Variants in CNTLN observed in about 807,000 individuals in gnomAD.
The protein encoded by CNTLN is centlein, centrosomal protein.
CNTLN carries 212 observed loss-of-function variants against 180.0 expected under a neutral mutation model. The observed-to-expected ratio is 1.18, with a 90% CI of 1.05 to 1.32. CNTLN has a LOEUF of 1.32. Ranked by LOEUF, CNTLN falls within the 40% of genes most tolerant of loss-of-function variation. The probability of loss-of-function intolerance (pLI) is 0.00; values close to 1 mark genes in which losing one functional copy is unlikely to be tolerated. For missense variants in CNTLN, 2,095 were observed against 1,610.9 expected (o/e 1.30, Z -5.14); for synonymous variants, 722 against 563.1 (o/e 1.28, Z -3.99).
chr9:17,515,685 C>T, the CNTLN span, among the ~76,000 whole-genome samples: 1 of 152,164 alleles, frequency 6.6e-6, no homozygotes, highest in African/African-American at 2.4e-5. Flanking sequence ...TGACTCTACC[C>T]TCAGAACGTA....
intron 8 of CNTLN, among the ~76,000 whole-genome samples, chr9:17,329,379 A>G (rs768027329): frequency 3.4e-4 from 52 of 152,104 alleles, no homozygotes; most frequent in Admixed American, 1.1e-3. Flanking sequence ...TGGGGATAAA[A>G]GAATAGGGCA....
chr9:17,166,411 G>T (rs1820071809), intron 2 of CNTLN, among the ~76,000 whole-genome samples: 1 of 152,126 alleles, frequency 6.6e-6, no homozygotes, highest in Non-Finnish European at 1.5e-5. Flanking sequence ...AGGAATTTCA[G>T]TAGCAGAGAA....
intron 2 of CNTLN, among the ~76,000 whole-genome samples, chr9:17,169,963 T>C (rs765799412): frequency 3.3e-5 from 5 of 152,194 alleles, no homozygotes; most frequent in Non-Finnish European, 7.4e-5. Context: ...AGGGTTTACA[T>C]TGAATCTGTA....
At position 17,143,736 on chromosome 9, in the gene CNTLN, T is replaced by G. The variant is rs916388363; in HGVS notation, c.449+360T>G. On this transcript the variant is annotated intron_variant, in intron 2 of 25. Coordinates refer to ENST00000380647, the MANE Select transcript of CNTLN (RefSeq NM_017738.4). ...TGGACTGCCTCTATAGGGAACTTAC[T>G]AGACGTGACTCAGTTTTCCCCTTAG... Among the ~76,000 whole-genome samples the G allele has an allele frequency of 2.4e-4, 36 of 152,350 alleles. 1 individual carries two copies. The highest frequency in any genetic ancestry group is 3.4e-3 in the Middle Eastern group (1 of 294).
At chr9:17,279,832 G>GCCTTTAAGAGGCCGTTGGGTCATGAAGC (rs1828553060) in intron 6 of CNTLN, among the ~76,000 whole-genome samples, 1 of 152,090 alleles carries the variant, frequency 6.6e-6, no homozygotes, top group African/African-American at 2.4e-5. Context: ...GGGACATTGG[G>GCCTTTAAGAGGCCGTTGGGTCATGAAGC]CTCTGCCTTC....
intron 12 of CNTLN, among the ~76,000 whole-genome samples, chr9:17,348,001 T>G (rs113744066): frequency 0.017 from 2,578 of 152,110 alleles, 80 homozygotes; most frequent in African/African-American, 0.059. Flanking sequence ...CTGGCTATTT[T>G]TTGTATTTTT....
At position 17,367,843 on chromosome 9, in the gene CNTLN, A is replaced by C. The variant is rs374019866; in HGVS notation, c.1987+1126A>C. 7.4e-5 allele frequency among the ~76,000 whole-genome samples: 11 copies of C among 148,772 alleles called. No individual in the cohort carries two copies. In the South Asian group the frequency reaches 2.2e-3, roughly 29 times the overall value. Reference sequence around the variant, plus strand: ...CCTTGGGCCCTGAATAACCAGCAGCAATACCCAGATGGTACACTGTGGGTC... The same window carrying C: ...CCTTGGGCCCTGAATAACCAGCAGCCATACCCAGATGGTACACTGTGGGTC... On this transcript the variant is annotated intron_variant, in intron 13 of 25. Coordinates refer to ENST00000380647, the MANE Select transcript of CNTLN (RefSeq NM_017738.4).
intron 1 of CNTLN, among the ~76,000 whole-genome samples, chr9:17,136,695 C>T (rs187659877): frequency 6.6e-6 from 1 of 152,238 alleles, no homozygotes; most frequent in East Asian, 1.9e-4. Context: ...AAAAATGGGA[C>T]CATCTTCAAA....
chr9:17,312,387 T>TATATATATA (rs1554686030), intron 8 of CNTLN, among the ~76,000 whole-genome samples: 2 of 104,922 alleles, frequency 1.9e-5, no homozygotes, highest in African/African-American at 7.1e-5. Flanking sequence ...TATATATAAT[T>TATATATATA]TATTTATTTA....
intron 3 of CNTLN, among the ~76,000 whole-genome samples, chr9:17,235,176 A>G (rs992184162): frequency 6.6e-6 from 1 of 152,250 alleles, no homozygotes; most frequent in Non-Finnish European, 1.5e-5. Context: ...AACATTCTAA[A>G]TATTCTGTCT....
intron 2 of CNTLN, among the ~76,000 whole-genome samples, chr9:17,169,905 T>G (rs1239732265): frequency 6.6e-6 from 1 of 152,204 alleles, no homozygotes; most frequent in African/African-American, 2.4e-5. Flanking sequence ...CCATATGAAT[T>G]TTATGACTTT....
intron 7 of CNTLN, chr9:17,299,559 AGT>A (rs1222244189): frequency 3.0e-5 from 30 of 985,204 alleles, no homozygotes; most frequent in Middle Eastern, 5.2e-4. Context: ...AGTGGTTTTC[AGT>A]GTGTGTTTTG....
intron 20 of CNTLN, among the ~76,000 whole-genome samples, chr9:17,463,233 A>T (rs543439344): frequency 1.3e-5 from 2 of 151,762 alleles, no homozygotes; most frequent in Non-Finnish European, 1.5e-5. Context: ...AATTTCCGTT[A>T]TTAAACATAT....
At chr9:17,409,175 T>G (rs1827645120) in intron 15 of CNTLN, 118 bp from the exon 16 acceptor site, 1 of 869,910 alleles carries the variant, frequency 1.1e-6, no homozygotes, top group Non-Finnish European at 1.8e-6. Flanking sequence ...AATGCCCACG[T>G]TAAACTTGCA....
chr9:17,397,619 T>C (rs771008176), intron 15 of CNTLN, among the ~76,000 whole-genome samples: 35 of 152,202 alleles, frequency 2.3e-4, no homozygotes, highest in Non-Finnish European at 1.5e-5. Flanking sequence ...GCCGACTTCC[T>C]ATCTCATCCT....
chr9:17,248,720 T>C (rs1161378087), intron 5 of CNTLN, among the ~76,000 whole-genome samples: 21 of 151,290 alleles, frequency 1.4e-4, no homozygotes. Flanking sequence ...ATACTTACTC[T>C]AACTATCTAA....
chr9:17,305,606 T>G lies in CNTLN; in HGVS notation c.1147-3452T>G, dbSNP rs1421189254. On this transcript the variant is annotated intron_variant, in intron 7 of 25. Transcript: ENST00000380647. ...AGGGCACTGGAACATCCTAAGCTTT[T>G]GCCTTCTTGCAGGATCTCCTAGAGA... is the stretch of plus-strand genomic sequence containing the variant. Among the ~76,000 whole-genome samples, 13 of 152,262 alleles carry G rather than the reference T, an allele frequency of 8.5e-5. No homozygotes were observed. The East Asian group carries it at 2.3e-3, about 27-fold the overall frequency.
intron 2 of CNTLN, among the ~76,000 whole-genome samples, chr9:17,192,368 A>G (rs1435283271): frequency 6.6e-6 from 1 of 151,436 alleles, no homozygotes; most frequent in Non-Finnish European, 1.5e-5. Context: ...CCTCCTGAGT[A>G]GCTGGGATTA....
intron 13 of CNTLN, among the ~76,000 whole-genome samples, chr9:17,382,892 G>A (rs897014975): frequency 6.6e-6 from 1 of 151,926 alleles, no homozygotes; most frequent in Non-Finnish European, 1.5e-5. Flanking sequence ...CATATGTTTA[G>A]CATTATTTTT....
Sources: gnomAD v4.1 joint callset for allele counts (sites outside exome capture counted in the v4.1 genomes callset) on GRCh38, gnomAD v4.1.1 for gene constraint, MANE v1.5 for transcripts, NCBI Gene and HGNC (gene_info 2026-07-23, HGNC 2026-07-21) for gene names.